HMCN2: variants seen among roughly 807,000 people sequenced by gnomAD.
The protein encoded by HMCN2 is hemicentin-2.
Under a neutral mutation model 377.5 loss-of-function variants are expected in HMCN2, and 325 were observed. The ratio of observed to expected loss-of-function variants is 0.86; its 90% CI spans 0.79 to 0.94. The LOEUF (loss-of-function observed/expected upper bound fraction) is 0.94, where lower values mean the gene tolerates loss of function less well. Among genes scored for constraint, HMCN2 ranks in the 40% least tolerant of loss-of-function variants. HMCN2 has a pLI of 0.00. For missense variants in HMCN2, 4,543 were observed against 4,725.3 expected (o/e 0.96, Z 1.13); for synonymous variants, 2,007 against 2,046.8 (o/e 0.98, Z 0.53).
intron 22 of HMCN2, among the ~76,000 whole-genome samples, chr9:130,328,544 T>C (rs1838265791): frequency 6.6e-6 from 1 of 152,208 alleles, no homozygotes; most frequent in African/African-American, 2.4e-5. Flanking sequence ...AGTTGTGTTG[T>C]GTTCCCTCTC....
At chr9:130,307,286 A>G (rs1006901690) in intron 13 of HMCN2, among the ~76,000 whole-genome samples, 167 bp from the exon 14 acceptor site, 3 of 152,088 alleles carry the variant, frequency 2.0e-5, no homozygotes, top group Non-Finnish European at 1.5e-5. Context: ...GAACAGGGTC[A>G]TAGGTGGAGG....
rs1181950956 is a variant in HMCN2 at position 130,360,592 on chromosome 9, C to T, written c.5938C>T (p.Leu1980=). ...VAGSTELRYG[L]RVNVPPRITL... ...AGGTAGCACAGAGCTGCGGTATGGCCTACGGGTCAATGGTGAGCTTCCCTG... is the reference window on the plus strand; with the variant it reads ...AGGTAGCACAGAGCTGCGGTATGGCTTACGGGTCAATGGTGAGCTTCCCTG... The change falls in exon 38 of 98, where the codon CTA becomes TTA. Residue 1980 remains leucine (L), a synonymous_variant. Transcript: ENST00000683500. This position sits in a 1 kb window ranked among gnomAD's most constrained non-coding sequence, Gnocchi z 4.7. 11 of 1,297,438 alleles carry T rather than the reference C, an allele frequency of 8.5e-6. No individual in the cohort carries two copies. The South Asian group carries it at 1.4e-4, about 16-fold the overall frequency. The allele number at this position is 1,297,438 out of a possible 1,614,324, so 80.4% of individuals were successfully genotyped here. A position where few individuals can be genotyped will look rare whatever the true frequency, so the allele number is the denominator to read the frequency against.
intron 82 of HMCN2, chr9:130,406,529 A>G (rs1376920064): frequency 3.8e-6 from 1 of 266,522 alleles, no homozygotes; most frequent in African/African-American, 2.2e-5. Flanking sequence ...CCGGAAACCC[A>G]GGTGATGTCT....
Position 130,290,956 on chromosome 9 carries a change from G to A in HMCN2, c.613-3899G>A, listed in dbSNP as rs143607656. Among the ~76,000 whole-genome samples, 1,175 of 151,780 alleles carry A rather than the reference G, an allele frequency of 7.7e-3. 6 individuals carry two copies. The highest frequency in any genetic ancestry group is 9.8e-3 in the Non-Finnish European group (665 of 67,994). On this transcript the variant is annotated intron_variant, in intron 4 of 97. Coordinates refer to ENST00000683500, the MANE Select transcript of HMCN2 (RefSeq NM_001291815.2). ...TGTAGAAGATCACATGGTAAGCAGA[G>A]CTGAAGGACTATGATTTAGAGCAAG...
At chr9:130,312,544 C>CTTTCTT (rs1837311362) in intron 15 of HMCN2, among the ~76,000 whole-genome samples, 1 of 9,634 alleles carries the variant, frequency 1.0e-4, no homozygotes, top group African/African-American at 3.7e-4. Context: ...TCCCTCCTTT[C>CTTTCTT]TTTCTTTCTT....
chr9:130,358,925 C>T (rs1840203025), intron 36 of HMCN2, among the ~76,000 whole-genome samples: 3 of 152,218 alleles, frequency 2.0e-5, no homozygotes, highest in East Asian at 1.9e-4. Flanking sequence ...CCGCCCGCCT[C>T]GGCCTCCCAA....
intron 4 of HMCN2, 36 bp from the exon 5 acceptor site, chr9:130,294,819 C>T: frequency 2.6e-6 from 1 of 390,260 alleles, no homozygotes; most frequent in South Asian, 1.9e-5. Flanking sequence ...ACATTGTGGG[C>T]ACCTGCCGGC....
Position 130,364,701 on chromosome 9 carries a change from C to A in HMCN2, c.6233-13C>A. On this transcript the variant is annotated splice_polypyrimidine_tract_variant and intron_variant, in intron 40 of 97. Transcript: ENST00000683500. ...TGTGCCTGAGGGAGCCCTTCTCCTG[C>A]CCCCTCCTGCAGTGCCCCCGAGTAT... is the stretch of plus-strand genomic sequence containing the variant. The A allele has an allele frequency of 1.0e-6, 1 of 985,848 alleles. No homozygotes were observed. Among genetic ancestry groups the A allele is most frequent in the Non-Finnish European group, 1.2e-6 (1 of 829,878 alleles). The allele number at this position is 985,848 out of a possible 1,614,324, so 61.1% of individuals were successfully genotyped here.
At chr9:130,288,016 C>T (rs1835513697) in intron 4 of HMCN2, among the ~76,000 whole-genome samples, 1 of 152,176 alleles carries the variant, frequency 6.6e-6, no homozygotes, top group African/African-American at 2.4e-5. Context: ...CATTTTTTGG[C>T]ATGTCAGCCT....
Position 130,316,850 on chromosome 9 carries a change from C to T in HMCN2, c.2351-2645C>T, listed in dbSNP as rs978464138. ...TGGGCAGAGCACTGGGCTGGGAATC[C>T]GGCCTCTCCCCTGACCTCAGCAGGA... On this transcript the variant is annotated intron_variant, in intron 15 of 97. Coordinates refer to ENST00000683500, the MANE Select transcript of HMCN2 (RefSeq NM_001291815.2). Among the ~76,000 whole-genome samples, 119 of 152,256 alleles carry T rather than the reference C, an allele frequency of 7.8e-4. 1 individual carries two copies. The highest frequency in any genetic ancestry group is 4.3e-3 in the Admixed American group (65 of 15,294).
chr9:130,361,880 G>A lies in HMCN2; in HGVS notation c.5951-128G>A, dbSNP rs528238789. On this transcript the variant is annotated intron_variant, in intron 38 of 97. Transcript: ENST00000683500. This position sits in a 1 kb window ranked among gnomAD's most constrained non-coding sequence, Gnocchi z 4.8. ...GGGGCAGTGGAGTGGCTCAGAGCCC[G>A]TGTCTGGATGGCTGTCCTTGTGCTT... 1,204 of 479,456 alleles carry A rather than the reference G, an allele frequency of 2.5e-3. 2 individuals carry two copies. The highest frequency in any genetic ancestry group is 2.9e-3 in the Non-Finnish European group (1,082 of 367,394). 29.7% of individuals were successfully genotyped at this position (479,456 alleles called of 1,614,324 possible).
chr9:130,270,698 A>G (rs1315323656), intron 1 of HMCN2, among the ~76,000 whole-genome samples: 1 of 149,022 alleles, frequency 6.7e-6, no homozygotes, highest in East Asian at 1.9e-4. Flanking sequence ...GATGTTAATA[A>G]CATCAGCCTT....
At chr9:130,292,482 G>T (rs1835836250) in intron 4 of HMCN2, among the ~76,000 whole-genome samples, 1 of 152,140 alleles carries the variant, frequency 6.6e-6, no homozygotes, top group Non-Finnish European at 1.5e-5. Flanking sequence ...CGGATAATTT[G>T]GTTTCTCTGA....
Position 130,385,655 on chromosome 9 carries a change from C to G in HMCN2, c.9202C>G (p.Leu3068Val), listed in dbSNP as rs1462520121. 7.7e-7 allele frequency: 1 copy of G among 1,304,074 alleles called. No homozygotes were observed. Among genetic ancestry groups the G allele is most frequent in the Non-Finnish European group, 1.0e-6 (1 of 988,906 alleles). 80.8% of individuals were successfully genotyped at this position (1,304,074 alleles called of 1,614,324 possible). A position where few individuals can be genotyped will look rare whatever the true frequency, so the allele number is the denominator to read the frequency against. ...TGTCCTGAGCTGCGAGACAGATGCG[C>G]TCCCTGAGCCAACTGTGACCTGGTA... ...KAVLSCETDA[L>V]PEPTVTWYKD... is the part of the protein sequence containing the mutation. The change falls in exon 60 of 98, where the codon CTC becomes GTC. Residue 3068 changes from leucine (L) to valine (V), a missense_variant. Leu to Val is a conservative substitution (Grantham distance 32). Around this residue, in one of 5 missense-constraint regions of HMCN2, gnomAD observed 736 missense variants for 773.2 expected, o/e 0.95. Transcript: ENST00000683500.
chr9:130,421,893 G>A (rs1844036860), intron 86 of HMCN2, among the ~76,000 whole-genome samples: 1 of 152,226 alleles, frequency 6.6e-6, no homozygotes, highest in Non-Finnish European at 1.5e-5. Context: ...TTTCCCCTGA[G>A]AGCTGCTGAG....
At chr9:130,353,931 T>A (rs1193000274) in intron 31 of HMCN2, among the ~76,000 whole-genome samples, 1 of 152,046 alleles carries the variant, frequency 6.6e-6, no homozygotes, top group Non-Finnish European at 1.5e-5. Flanking sequence ...CTTTGGGAGC[T>A]CTGGCTTCCA....
intron 39 of HMCN2, among the ~76,000 whole-genome samples, chr9:130,362,564 T>C (rs1840442419): frequency 6.6e-6 from 1 of 152,272 alleles, no homozygotes; most frequent in Non-Finnish European, 1.5e-5. Flanking sequence ...TGGCATATTT[T>C]GTACCTGGGG....
intron 15 of HMCN2, among the ~76,000 whole-genome samples, chr9:130,317,400 C>A (rs895972958): frequency 7.2e-4 from 109 of 151,850 alleles, no homozygotes; most frequent in South Asian, 1.5e-3. Flanking sequence ...TACACTTGAG[C>A]CTCGAGGCTG....
chr9:130,304,840 C>A lies in HMCN2; in HGVS notation c.1654C>A (p.Arg552=), dbSNP rs782559772. ...GEAPYNLTWV[R]DWRVLPASTG... is the part of the protein sequence containing the mutation. ...GGCCCCCTACAACCTGACGTGGGTC[C>A]GGGACTGGCGAGTCCTGCCGGCCTC... The change falls in exon 11 of 98, where the codon CGG becomes AGG. Residue 552 remains arginine, a synonymous_variant. Transcript: ENST00000683500. The surrounding 1 kb of genome is among the most constrained non-coding windows in gnomAD (Gnocchi z 4.3). The A allele has an allele frequency of 2.1e-6, 1 of 471,134 alleles. No homozygotes were observed. Among genetic ancestry groups the A allele is most frequent in the Non-Finnish European group, 4.4e-6 (1 of 227,054 alleles). 29.2% of individuals were successfully genotyped at this position (471,134 alleles called of 1,614,324 possible).
Sources: allele counts gnomAD v4.1 joint callset (sites outside exome capture counted in the v4.1 genomes callset), GRCh38; gene constraint gnomAD v4.1.1; regional missense constraint gnomAD v4.1.1; non-coding constraint Gnocchi (gnomAD v3.1); transcripts MANE v1.5; gene names NCBI Gene and HGNC (gene_info 2026-07-23, HGNC 2026-07-21).